The following DCUN1D4 variants were observed in gnomAD, a reference collection of about 807,000 sequenced individuals.
The protein encoded by DCUN1D4 is DCN1-like protein 4.
DCUN1D4 carries 22 observed loss-of-function variants against 47.9 expected under a neutral mutation model. The observed-to-expected ratio is 0.46, with a 90% CI of 0.33 to 0.66. The LOEUF is 0.66. DCUN1D4 is among the 30% of genes least tolerant of loss of function. The pLI is 0.02. For synonymous variants in DCUN1D4, 121 were observed against 112.2 expected (o/e 1.08, Z -0.50); for missense variants, 301 against 340.8 (o/e 0.88, Z 0.92).
intron 3 of DCUN1D4, among the ~76,000 whole-genome samples, chr4:51,870,127 G>A (rs940407049): frequency 6.6e-6 from 1 of 152,018 alleles, no homozygotes; most frequent in Non-Finnish European, 1.5e-5. Context: ...CTTTAAAATG[G>A]TTAAAATAGC....
upstream of DCUN1D4, among the ~76,000 whole-genome samples, chr4:51,838,773 T>C (rs1287033325): frequency 1.3e-5 from 2 of 152,136 alleles, no homozygotes; most frequent in Non-Finnish European, 1.5e-5. Context: ...TATATTAACC[T>C]GATTAAAAAG....
chr4:51,913,477 T>C, intron 10 of DCUN1D4, 52 bp from the exon 11 acceptor site: 2 of 1,551,436 alleles, frequency 1.3e-6, no homozygotes, highest in Non-Finnish European at 1.8e-6. Context: ...ATTACTATTA[T>C]TATTATTGTT....
chr4:51,911,752 G>C (rs1733745800), intron 9 of DCUN1D4, among the ~76,000 whole-genome samples: 1 of 152,126 alleles, frequency 6.6e-6, no homozygotes, highest in Non-Finnish European at 1.5e-5. Context: ...TTTAAGTATT[G>C]ATGATCAGAA....
intron 1 of DCUN1D4, among the ~76,000 whole-genome samples, chr4:51,844,645 GGCCCTAGGCCGC>G: frequency 6.6e-6 from 1 of 151,898 alleles, no homozygotes; most frequent in Non-Finnish European, 1.5e-5. Context: ...GGGATGGCCG[GGCCCTAGGCCGC>G]GCCCCACGCC....
At chr4:51,871,531 T>A (rs141032185) in intron 3 of DCUN1D4, among the ~76,000 whole-genome samples, 1 of 152,362 alleles carries the variant, frequency 6.6e-6, no homozygotes. Context: ...AAGTGCATTT[T>A]CTTCTGTGTT....
intron 3 of DCUN1D4, among the ~76,000 whole-genome samples, chr4:51,873,980 G>T (rs913480504): frequency 6.6e-6 from 1 of 152,176 alleles, no homozygotes; most frequent in African/African-American, 2.4e-5. Flanking sequence ...AAACAGAAAG[G>T]TTAGATGACT....
intron 6 of DCUN1D4, chr4:51,887,377 G>A (rs1228124149): frequency 5.1e-6 from 1 of 194,686 alleles, no homozygotes; most frequent in Non-Finnish European, 1.1e-5. Flanking sequence ...TGGGATTATA[G>A]GCGTGAGCCA....
chr4:51,845,287 A>G (rs1722361617), intron 1 of DCUN1D4: 1 of 985,058 alleles, frequency 1.0e-6, no homozygotes, highest in African/African-American at 1.7e-5. Context: ...ATGTGTTGGT[A>G]TTTCTTGGGG....
At position 51,882,451 on chromosome 4, in the gene DCUN1D4, C is replaced by G. The variant is rs574800920; in HGVS notation, c.344-4117C>G. Among the ~76,000 whole-genome samples the G allele has an allele frequency of 8.5e-5, 13 of 152,278 alleles. No individual in the cohort carries two copies. The South Asian group carries it at 2.7e-3, about 32-fold the overall frequency. On this transcript the variant is annotated intron_variant, in intron 5 of 10. Coordinates refer to ENST00000334635, the MANE Select transcript of DCUN1D4 (RefSeq NM_001040402.3). Reference sequence around the variant, plus strand: ...GCCATGTGCAGAGGCATGGCAAATGCAGGCGGCTTGCTAGGCTCAAGAATA... The same window carrying G: ...GCCATGTGCAGAGGCATGGCAAATGGAGGCGGCTTGCTAGGCTCAAGAATA...
Position 51,916,520 on chromosome 4 carries a change from A to G in DCUN1D4, c.*2936A>G, listed in dbSNP as rs1734338844. The G allele has an allele frequency of 6.6e-6, 1 of 152,588 alleles. No homozygotes were observed. Among genetic ancestry groups the G allele is most frequent in the Non-Finnish European group, 1.5e-5 (1 of 68,022 alleles). The allele number at this position is 152,588 out of a possible 1,614,324, so 9.5% of individuals were successfully genotyped here. On this transcript the variant is annotated 3_prime_UTR_variant, in exon 11 of 11. Coordinates refer to ENST00000334635, the MANE Select transcript of DCUN1D4 (RefSeq NM_001040402.3). ...CCTTTATTCTTTCATATGTTGTATA[A>G]TAAATGTATAGATTTCATTGACCAA... is the stretch of plus-strand genomic sequence containing the variant.
Position 51,913,271 on chromosome 4 carries a change from T to C in DCUN1D4, c.721-19T>C, listed in dbSNP as rs1232784712. On this transcript the variant is annotated intron_variant, in intron 9 of 10. Coordinates refer to ENST00000334635, the MANE Select transcript of DCUN1D4 (RefSeq NM_001040402.3). ...TCATTTTAAGTGTCAGTAATTCATA[T>C]TACTTTTCCCTCCATCAGCAATCAA... 2 of 1,508,866 alleles carry C rather than the reference T, an allele frequency of 1.3e-6. No individual in the cohort carries two copies. The highest frequency in any genetic ancestry group is 1.2e-5 in the South Asian group (1 of 85,846). 93.5% of individuals were successfully genotyped at this position (1,508,866 alleles called of 1,614,324 possible).
chr4:51,850,617 T>C (rs1424027663), intron 1 of DCUN1D4, among the ~76,000 whole-genome samples: 1 of 152,210 alleles, frequency 6.6e-6, no homozygotes, highest in Non-Finnish European at 1.5e-5. Context: ...GGCCCTGCTC[T>C]TCATATTTCA....
At chr4:51,851,593 C>G (rs1577842083) in intron 1 of DCUN1D4, among the ~76,000 whole-genome samples, 1 of 151,470 alleles carries the variant, frequency 6.6e-6, no homozygotes, top group African/African-American at 2.4e-5. Flanking sequence ...GGGAAGAACT[C>G]AAAAGAGGCA....
chr4:51,855,247 G>T (rs1723953322), intron 1 of DCUN1D4, among the ~76,000 whole-genome samples: 1 of 152,156 alleles, frequency 6.6e-6, no homozygotes, highest in Non-Finnish European at 1.5e-5. Context: ...CTGAAGAGGG[G>T]TGAAGGGAGA....
chr4:51,902,028 C>A (rs1376913089), intron 8 of DCUN1D4, among the ~76,000 whole-genome samples: 2 of 152,062 alleles, frequency 1.3e-5, no homozygotes, highest in African/African-American at 4.8e-5. Flanking sequence ...TTTTCTAGTT[C>A]ACCTTGTGAA....
At chr4:51,843,495 T>G (rs1399563644) in intron 1 of DCUN1D4, 89 of 1,033,338 alleles carry the variant, frequency 8.6e-5, no homozygotes, top group Middle Eastern at 3.6e-4. Context: ...AGGGCGGAGG[T>G]GAGGGGGGTG....
chr4:51,845,267 AAT>A, intron 1 of DCUN1D4: 1 of 985,408 alleles, frequency 1.0e-6, no homozygotes, highest in Admixed American at 6.1e-5. Flanking sequence ...TTGTAACGAT[AAT>A]ATAAACTATG....
chr4:51,860,477 AAAG>A (rs1422074100), intron 1 of DCUN1D4: 1 of 419,580 alleles, frequency 2.4e-6, no homozygotes, highest in Non-Finnish European at 4.8e-6. Flanking sequence ...GCATTACTAT[AAAG>A]AAATACCTGA....
upstream of DCUN1D4, among the ~76,000 whole-genome samples, chr4:51,839,601 AT>A (rs1347421427): frequency 6.6e-6 from 1 of 152,148 alleles, no homozygotes; most frequent in Non-Finnish European, 1.5e-5. Context: ...GAGGGGGTTT[AT>A]TTTCATTTCC....
Sources: allele counts gnomAD v4.1 joint callset (sites outside exome capture counted in the v4.1 genomes callset), GRCh38; gene constraint gnomAD v4.1.1; transcripts MANE v1.5; gene names NCBI Gene and HGNC (gene_info 2026-07-23, HGNC 2026-07-21).